The following CABP2 variants were observed in gnomAD, a reference collection of about 807,000 sequenced individuals.
The protein encoded by CABP2 is calcium binding protein 2.
A neutral mutation model predicts 28.6 loss-of-function variants in CABP2; 25 were observed. The ratio of observed to expected loss-of-function variants is 0.87; its 90% confidence interval spans 0.64 to 1.22. The LOEUF (loss-of-function observed/expected upper bound fraction) is 1.22. Among genes scored for constraint, CABP2 ranks in the 50% most tolerant of loss-of-function variants. The probability of loss-of-function intolerance (pLI) is 0.00; values close to 1 mark genes in which losing one functional copy is unlikely to be tolerated. For missense variants in CABP2, 310 were observed against 312.2 expected (o/e 0.99, Z 0.05); for synonymous variants, 138 against 126.0 (o/e 1.09, Z -0.64).
At chr11:67,520,305 TG>T in intron 4 of CABP2, 145 bp from the exon 5 acceptor site, 1 of 613,288 alleles carries the variant, frequency 1.6e-6, no homozygotes. Context: ...TATTTCCCAA[TG>T]GGAATCGCCC....
Position 67,519,147 on chromosome 11 carries a change from A to T in CABP2, c.655T>A (p.Ser219Thr). The T allele has an allele frequency of 6.2e-7, 1 of 1,614,034 alleles. No individual in the cohort carries two copies. The highest frequency in any genetic ancestry group is 8.5e-7 in the Non-Finnish European group (1 of 1,180,014). ...CCAGCTTCTGTACAGGCTCACCGAGACATCATTCGCACAAACTCTGCCAGG... is the reference window on the plus strand; with the variant it reads ...CCAGCTTCTGTACAGGCTCACCGAGTCATCATTCGCACAAACTCTGCCAGG... ...VDFEEFVRMM[S>T]R The change falls in exon 7 of 7, where the codon TCT becomes ACT. Residue 219 changes from serine to threonine, a missense_variant. Physicochemically the swap from Ser to Thr is moderately conservative, Grantham distance 58. Transcript: ENST00000294288.
At chr11:67,522,813 G>A in intron 1 of CABP2, 97 bp from the exon 2 acceptor site, 1 of 1,159,300 alleles carries the variant, frequency 8.6e-7, no homozygotes, top group Non-Finnish European at 1.2e-6. Context: ...TGTCTTTGGA[G>A]CCCGGCATGG....
At position 67,522,694 on chromosome 11, in the gene CABP2, G is replaced by T. The variant is rs995129646; in HGVS notation, c.65C>A (p.Ser22Tyr). ...GPKDPLQWLG[S>Y]PPRGSCPSPS... Reference sequence around the variant, plus strand: ...GCTGGGGCAGGAGCCCCTTGGTGGGGAGCCGAGCCACTGCAAGGGGTCCTG... The same window carrying T: ...GCTGGGGCAGGAGCCCCTTGGTGGGTAGCCGAGCCACTGCAAGGGGTCCTG... Residue 22 changes from serine (S) to tyrosine (Y), a missense_variant, in exon 2 of 7, where the codon TCC (serine) becomes TAC (tyrosine). Ser to Tyr is a moderately radical substitution (Grantham distance 144). Coordinates refer to ENST00000294288, the MANE Select transcript of CABP2 (RefSeq NM_016366.3). The T allele has an allele frequency of 1.3e-5, 20 of 1,512,890 alleles. No homozygotes were observed. Among genetic ancestry groups the T allele is most frequent in the Non-Finnish European group, 1.7e-5 (19 of 1,126,644 alleles). The allele number at this position is 1,512,890 out of a possible 1,614,324, so 93.7% of individuals were successfully genotyped here.
rs778506777 is a variant in CABP2, at chr11:67,521,032, T to C, written c.372A>G (p.Gln124=). ...PTEMELIEIS[Q]QISGGKVDFE... Reference sequence around the variant, plus strand: ...TGGGTCCGAGGCACATACTGATTTGTTGTGAGATCTCGATGAGCTCCATCT... The same window carrying C: ...TGGGTCCGAGGCACATACTGATTTGCTGTGAGATCTCGATGAGCTCCATCT... The change falls in exon 4 of 7, where the codon CAA becomes CAG. Residue 124 remains glutamine, a synonymous_variant. Coordinates refer to ENST00000294288, the MANE Select transcript of CABP2 (RefSeq NM_016366.3). 3 of 1,613,740 alleles carry C rather than the reference T, an allele frequency of 1.9e-6. No homozygotes were observed. Among genetic ancestry groups the C allele is most frequent in the Non-Finnish European group, 2.5e-6 (3 of 1,179,910 alleles).
At position 67,519,889 on chromosome 11, in the gene CABP2, G is replaced by A; in HGVS notation, c.541C>T (p.Leu181Phe). Residue 181 changes from leucine to phenylalanine, a missense_variant, in exon 6 of 7, where the codon CTC becomes TTC. Leu to Phe is a conservative substitution (Grantham distance 22). Coordinates refer to ENST00000294288, the MANE Select transcript of CABP2 (RefSeq NM_016366.3). Reference protein sequence around the residue: ...RISVGELRAALKALLGERLSQ... With the variant: ...RISVGELRAAFKALLGERLSQ... ...AGGCGCTCCCCCAGCAGGGCCTTGA[G>A]GGCCGCCCGGAGCTCGCCCACGCTG... is the stretch of plus-strand genomic sequence containing the variant. 1 of 1,612,990 alleles carries A rather than the reference G, an allele frequency of 6.2e-7. No homozygotes were observed. The highest frequency in any genetic ancestry group is 1.1e-5 in the South Asian group (1 of 91,066).
chr11:67,519,104 G>T lies in CABP2; in HGVS notation c.*35C>A, dbSNP rs1391735411. ...CTGGTGGGCAGAGGCTGTGGTCCTTGAGTCCTTTATGCTGCCTCCAGCTTC... is the reference window on the plus strand; with the variant it reads ...CTGGTGGGCAGAGGCTGTGGTCCTTTAGTCCTTTATGCTGCCTCCAGCTTC... On this transcript the variant is annotated 3_prime_UTR_variant, in exon 7 of 7. Transcript: ENST00000294288. 22 of 1,612,836 alleles carry T rather than the reference G, an allele frequency of 1.4e-5. No individual in the cohort carries two copies. Among genetic ancestry groups the T allele is most frequent in the Non-Finnish European group, 1.8e-5 (21 of 1,178,830 alleles).
rs753361851 is a variant in CABP2 at position 67,519,898 on chromosome 11, G to A, written c.532C>T (p.Arg178Trp). The A allele has an allele frequency of 3.1e-6, 5 of 1,612,282 alleles. No individual in the cohort carries two copies. The highest frequency in any genetic ancestry group is 2.2e-5 in the South Asian group (2 of 91,064). ...GDGRISVGEL[R>W]AALKALLGER... Reference sequence around the variant, plus strand: ...CCCAGCAGGGCCTTGAGGGCCGCCCGGAGCTCGCCCACGCTGATGCGGCCG... The same window carrying A: ...CCCAGCAGGGCCTTGAGGGCCGCCCAGAGCTCGCCCACGCTGATGCGGCCG... The change falls in exon 6 of 7, where the codon CGG becomes TGG. Residue 178 changes from arginine to tryptophan, a missense_variant. Transcript: ENST00000294288.
Position 67,519,172 on chromosome 11 carries a change from G to C in CABP2, c.638-8C>G. ...ACATCATTCGCACAAACTCTGCCAG[G>C]ACGAAGCCAAGGTTTTGGGTCTGTT... On this transcript the variant is annotated splice_region_variant and splice_polypyrimidine_tract_variant and intron_variant, in intron 6 of 6. Coordinates refer to ENST00000294288, the MANE Select transcript of CABP2 (RefSeq NM_016366.3). The C allele has an allele frequency of 6.2e-7, 1 of 1,614,012 alleles. No homozygotes were observed. Among genetic ancestry groups the C allele is most frequent in the Non-Finnish European group, 8.5e-7 (1 of 1,179,984 alleles).
Position 67,521,266 on chromosome 11 carries a change from A to G in CABP2, c.245-107T>C, listed in dbSNP as rs147275196. 1.6e-5 allele frequency: 19 copies of G among 1,210,070 alleles called. 1 individual carries two copies. The African/African-American group carries it at 2.4e-4, about 15-fold the overall frequency. 75.0% of individuals were successfully genotyped at this position (1,210,070 alleles called of 1,614,324 possible). On this transcript the variant is annotated intron_variant, in intron 3 of 6. Coordinates refer to ENST00000294288, the MANE Select transcript of CABP2 (RefSeq NM_016366.3). The stretch of plus-strand genomic sequence containing the variant: ...AATCATCCCTCCTTCTGAACATCAG[A>G]TTCTCTTTGCTGCCTCGGGGCCTTT...
At chr11:67,519,191 G>A (rs1866704884) in intron 6 of CABP2, 27 bp from the exon 7 acceptor site, 2 of 1,613,976 alleles carry the variant, frequency 1.2e-6, no homozygotes, top group East Asian at 2.2e-5. Context: ...AAGGTTTTGG[G>A]TCTGTTCTCT....
chr11:67,520,913 T>C (rs1866737287), intron 4 of CABP2, 112 bp downstream of exon 4: 1 of 1,185,110 alleles, frequency 8.4e-7, no homozygotes, highest in South Asian at 1.4e-5. Context: ...ACCAAGGTCA[T>C]GGGCTCTGGG....
chr11:67,523,204 C>G, intron 1 of CABP2, 81 bp downstream of exon 1: 2 of 1,183,772 alleles, frequency 1.7e-6, no homozygotes, highest in Non-Finnish European at 1.2e-6. Flanking sequence ...GCCCGGCCCT[C>G]GGAGGGCTCT....
chr11:67,522,241 G>A (rs1008426711), intron 2 of CABP2, among the ~76,000 whole-genome samples: 8 of 152,156 alleles, frequency 5.3e-5, no homozygotes, highest in African/African-American at 1.9e-4. Context: ...TGGGGCAGGG[G>A]GCTCCCTTTG....
At chr11:67,521,868 AT>A in intron 3 of CABP2, 83 bp downstream of exon 3, 1 of 374,292 alleles carries the variant, frequency 2.7e-6, no homozygotes, top group Non-Finnish European at 5.3e-6. Context: ...CCCCCACCCG[AT>A]GCCCCCCCAA....
intron 3 of CABP2, 98 bp from the exon 4 acceptor site, chr11:67,521,257 G>T: frequency 7.9e-7 from 1 of 1,272,992 alleles, no homozygotes; most frequent in Non-Finnish European, 1.1e-6. Flanking sequence ...CCCTCCTTCT[G>T]AACATCAGAT....
chr11:67,522,042 C>G (rs1866755408), intron 2 of CABP2, 60 bp from the exon 3 acceptor site: 2 of 1,528,398 alleles, frequency 1.3e-6, no homozygotes. Flanking sequence ...GCCCTTCCTT[C>G]TTGCTTCCCG....
intron 6 of CABP2, 92 bp from the exon 7 acceptor site, chr11:67,519,256 G>T: frequency 1.6e-6 from 2 of 1,286,378 alleles, no homozygotes; most frequent in Non-Finnish European, 2.3e-6. Flanking sequence ...TGGGAGTGTG[G>T]TTGAGGGGAG....
chr11:67,522,680 A>T lies in CABP2; in HGVS notation c.79T>A (p.Ser27Thr). Residue 27 changes from serine (S) to threonine (T), a missense_variant, in exon 2 of 7, where the codon TCC becomes ACC. Ser to Thr is a moderately conservative substitution (Grantham distance 58). Coordinates refer to ENST00000294288, the MANE Select transcript of CABP2 (RefSeq NM_016366.3). ...GGGCTGGAGCTGGGGCTGGGGCAGG[A>T]GCCCCTTGGTGGGGAGCCGAGCCAC... ...LQWLGSPPRG[S>T]CPSPSSSPKE... 6.5e-6 allele frequency: 10 copies of T among 1,528,340 alleles called. No individual in the cohort carries two copies. The highest frequency in any genetic ancestry group is 8.8e-6 in the Non-Finnish European group (10 of 1,134,332). 94.7% of individuals were successfully genotyped at this position (1,528,340 alleles called of 1,614,324 possible).
In CABP2 at chr11:67,521,946, C is replaced by T; in HGVS notation, c.244+6G>A. Reference sequence around the variant, plus strand: ...CAGGGAACCAGTTCCTTCTCCAACCCTTTACCTTCAATCTCCTCGGGCCGC... The same window carrying T: ...CAGGGAACCAGTTCCTTCTCCAACCTTTTACCTTCAATCTCCTCGGGCCGC... On this transcript the variant is annotated splice_donor_region_variant and intron_variant, in intron 3 of 6. Transcript: ENST00000294288. 1 of 1,612,850 alleles carries T rather than the reference C, an allele frequency of 6.2e-7. No homozygotes were observed. The highest frequency in any genetic ancestry group is 8.5e-7 in the Non-Finnish European group (1 of 1,179,622).
Sources: allele counts gnomAD v4.1 joint callset (sites outside exome capture counted in the v4.1 genomes callset), GRCh38; gene constraint gnomAD v4.1.1; transcripts MANE v1.5; gene names NCBI Gene and HGNC (gene_info 2026-07-23, HGNC 2026-07-21).